Variants in SMYD3 observed in about 807,000 individuals in gnomAD.
SMYD3 encodes the protein SET and MYND domain containing 3, also known as histone-lysine N-methyltransferase SMYD3.
Under a neutral mutation model 57.7 loss-of-function variants are expected in SMYD3, and 36 were observed. The ratio of observed to expected loss-of-function variants is 0.62; its 90% CI spans 0.48 to 0.82. SMYD3 has a LOEUF of 0.82. Ranked by LOEUF, SMYD3 falls within the 40% of genes least tolerant of loss-of-function variation. The pLI is 0.00. For missense variants in SMYD3, 515 were observed against 538.8 expected (o/e 0.96, Z 0.44); for synonymous variants, 211 against 195.0 (o/e 1.08, Z -0.68).
At chr1:245,908,151 G>A (rs1413177138) in intron 8 of SMYD3, among the ~76,000 whole-genome samples, 1 of 151,564 alleles carries the variant, frequency 6.6e-6, no homozygotes, top group African/African-American at 2.4e-5. Context: ...AAAAAGTGAA[G>A]GGATGACAAA....
intron 1 of SMYD3, among the ~76,000 whole-genome samples, chr1:246,401,817 G>A (rs1331733985): frequency 1.3e-5 from 2 of 151,090 alleles, no homozygotes; most frequent in Admixed American, 6.6e-5. Context: ...CCACCTCCCA[G>A]GTCCAAGCGA....
Position 245,850,859 on chromosome 1 carries a change from T to C in SMYD3, c.1076+7637A>G, listed in dbSNP as rs574654377. 3.2e-3 allele frequency among the ~76,000 whole-genome samples: 492 copies of C among 152,272 alleles called. 2 individuals are homozygous for C. Among genetic ancestry groups the C allele is most frequent in the African/African-American group, 0.011 (473 of 41,554 alleles). The stretch of plus-strand genomic sequence containing the variant: ...CAACTAGCACCCATCAAGCTGGTCA[T>C]GAGCACAGCCTCCAGCTTTACGCCA... On this transcript the variant is annotated intron_variant, in intron 10 of 11. Transcript: ENST00000490107.
chr1:246,080,346 A>ATGGCGGG (rs1448048584), intron 5 of SMYD3, among the ~76,000 whole-genome samples: 7 of 152,060 alleles, frequency 4.6e-5, no homozygotes, highest in Admixed American at 1.3e-4. Flanking sequence ...TTCGATTCTC[A>ATGGCGGG]TGAGGGCGTG....
intron 1 of SMYD3, among the ~76,000 whole-genome samples, chr1:246,472,853 C>CTTTTTT (rs74163449): frequency 8.7e-5 from 9 of 102,912 alleles, no homozygotes; most frequent in African/African-American, 1.8e-4. Context: ...TCTCAAATTT[C>CTTTTTT]TTTTTTTTTT....
chr1:246,343,084 C>G (rs901401687), intron 2 of SMYD3, among the ~76,000 whole-genome samples: 1 of 152,114 alleles, frequency 6.6e-6, no homozygotes, highest in Non-Finnish European at 1.5e-5. Context: ...TGAACACATA[C>G]GACAAAAATC....
intron 5 of SMYD3, among the ~76,000 whole-genome samples, chr1:246,071,167 A>C (rs2060435435): frequency 6.6e-6 from 1 of 152,254 alleles, no homozygotes; most frequent in Non-Finnish European, 1.5e-5. Flanking sequence ...GTAAGTAAAA[A>C]TAAGGATGTT....
At chr1:246,252,935 C>T (rs6685894) in intron 5 of SMYD3, among the ~76,000 whole-genome samples, 31,578 of 151,952 alleles carry the variant, frequency 0.21, 3,995 homozygotes, top group East Asian at 0.58. Flanking sequence ...ACTTGTGACC[C>T]GCTAACAGCA....
intron 1 of SMYD3, among the ~76,000 whole-genome samples, chr1:246,424,118 G>T (rs1558458485): frequency 2.0e-5 from 3 of 152,278 alleles, no homozygotes; most frequent in South Asian, 4.1e-4. Flanking sequence ...AATGAAGAGT[G>T]CTAGAAATGT....
intron 5 of SMYD3, among the ~76,000 whole-genome samples, chr1:245,937,979 T>A (rs1351068812): frequency 6.6e-6 from 1 of 152,158 alleles, no homozygotes; most frequent in African/African-American, 2.4e-5. Context: ...TTCCGTCAAA[T>A]TAATGGAGAA....
intron 5 of SMYD3, among the ~76,000 whole-genome samples, chr1:246,293,899 A>G (rs2064743942): frequency 1.3e-5 from 2 of 152,176 alleles, no homozygotes; most frequent in South Asian, 4.1e-4. Flanking sequence ...AGGATTCCCT[A>G]TTATTGAACT....
chr1:246,209,430 G>A (rs1389028352), intron 5 of SMYD3, among the ~76,000 whole-genome samples: 1 of 152,098 alleles, frequency 6.6e-6, no homozygotes. Flanking sequence ...CTGGGATTCA[G>A]GGTATATATA....
chr1:246,061,189 C>T (rs2060246532), intron 5 of SMYD3, among the ~76,000 whole-genome samples: 1 of 152,176 alleles, frequency 6.6e-6, no homozygotes, highest in South Asian at 2.1e-4. Flanking sequence ...CACCACTGCA[C>T]TCCAGCCTGG....
rs568008080 is a variant in SMYD3 at position 245,816,607 on chromosome 1, C to T, written c.1076+41889G>A. On this transcript the variant is annotated intron_variant, in intron 10 of 11. Transcript: ENST00000490107. ...CTCCCAGCGTGAGTGACATAGAAGACGGTGATTTCTGCATTTCCATCTGAG... is the reference window on the plus strand; with the variant it reads ...CTCCCAGCGTGAGTGACATAGAAGATGGTGATTTCTGCATTTCCATCTGAG... Among the ~76,000 whole-genome samples the T allele has an allele frequency of 1.1e-4, 17 of 150,612 alleles. No individual in the cohort carries two copies. The East Asian group carries it at 1.4e-3, about 12-fold the overall frequency.
intron 10 of SMYD3, among the ~76,000 whole-genome samples, chr1:245,840,832 C>T (rs910705696): frequency 3.3e-5 from 5 of 151,538 alleles, no homozygotes; most frequent in African/African-American, 1.2e-4. Flanking sequence ...AAACCCACTG[C>T]TTTTTATTTT....
intron 1 of SMYD3, among the ~76,000 whole-genome samples, chr1:246,495,590 C>G (rs1279051922): frequency 6.6e-6 from 1 of 152,236 alleles, no homozygotes; most frequent in East Asian, 1.9e-4. Context: ...TAGTTAGTTA[C>G]TTCAGAAGTA....
At chr1:246,351,864 G>A (rs1221331183) in intron 2 of SMYD3, among the ~76,000 whole-genome samples, 4 of 152,030 alleles carry the variant, frequency 2.6e-5, no homozygotes, top group Admixed American at 6.5e-5. Context: ...CACCAGATGC[G>A]GTGGCTCACG....
intron 5 of SMYD3, among the ~76,000 whole-genome samples, chr1:246,191,074 C>T (rs564139658): frequency 7.2e-5 from 11 of 152,296 alleles, no homozygotes; most frequent in African/African-American, 2.2e-4. Context: ...GAGGGGAAGA[C>T]GGAGAAAACG....
chr1:246,090,288 A>C (rs2147883329), intron 5 of SMYD3, among the ~76,000 whole-genome samples: 1 of 152,286 alleles, frequency 6.6e-6, no homozygotes, highest in African/African-American at 2.4e-5. Context: ...AGAGAAAGAA[A>C]CCAGTTCCAG....
chr1:245,850,279 C>T (rs545502415), intron 10 of SMYD3, among the ~76,000 whole-genome samples: 1 of 152,286 alleles, frequency 6.6e-6, no homozygotes, highest in Non-Finnish European at 1.5e-5. Context: ...ATCACTTGGT[C>T]AGCTGTAACT....
Sources: allele counts gnomAD v4.1 joint callset (sites outside exome capture counted in the v4.1 genomes callset), GRCh38; gene constraint gnomAD v4.1.1; transcripts MANE v1.5; gene names NCBI Gene and HGNC (gene_info 2026-07-23, HGNC 2026-07-21).